Variants in PRR14L observed in about 807,000 individuals in gnomAD.
PRR14L encodes proline rich 14 like.
PRR14L carries 80 observed loss-of-function variants against 155.0 expected under a neutral mutation model. That is an observed-to-expected ratio of 0.52 (90% confidence interval 0.43 to 0.62). The LOEUF is 0.62. Among genes scored for constraint, PRR14L ranks in the 20% least tolerant of loss-of-function variants. The pLI, the probability that PRR14L is intolerant of heterozygous loss-of-function variation, is 0.00. For missense variants in PRR14L, 2,469 were observed against 2,548.0 expected, an observed-to-expected ratio of 0.97 and a Z score of 0.67; for synonymous variants, 883 against 916.0, an observed-to-expected ratio of 0.96 and a Z score of 0.65.
At chr22:31,747,267 T>C (rs1162972993) in intron 1 of PRR14L, among the ~76,000 whole-genome samples, 1 of 151,626 alleles carries the variant, frequency 6.6e-6, no homozygotes, top group African/African-American at 2.4e-5. Flanking sequence ...TGTGCCACCA[T>C]GCCCACCTAA....
chr22:31,748,657 GA>G (rs1263126152), intron 1 of PRR14L, among the ~76,000 whole-genome samples: 1 of 152,174 alleles, frequency 6.6e-6, no homozygotes. Context: ...GGGGGGGTGG[GA>G]AGGATGTGCA....
In PRR14L at chr22:31,684,202, G is replaced by C. The variant is rs1235556633; in HGVS notation, c.*1325C>G. 1 of 152,476 alleles carries C rather than the reference G, an allele frequency of 6.6e-6. No individual in the cohort carries two copies. The highest frequency in any genetic ancestry group is 1.5e-5 in the Non-Finnish European group (1 of 68,106). 9.4% of individuals were successfully genotyped at this position (152,476 alleles called of 1,614,324 possible). A position where few individuals can be genotyped will look rare whatever the true frequency, so the allele number is the denominator to read the frequency against. On this transcript the variant is annotated 3_prime_UTR_variant, in exon 9 of 9. Coordinates refer to ENST00000327423, the MANE Select transcript of PRR14L (RefSeq NM_173566.3). ...TCCCTCTGCCCACAGACTCCTGCAG[G>C]CACAAACCCAGAAACTCGGCTAACT...
At chr22:31,736,597 T>C (rs901148194) in intron 2 of PRR14L, among the ~76,000 whole-genome samples, 1 of 152,158 alleles carries the variant, frequency 6.6e-6, no homozygotes. Context: ...AACCTGATGG[T>C]GGGTCTAGAG....
rs1467602541 is a variant in PRR14L, at chr22:31,712,096, C to T, written c.5743G>A (p.Gly1915Ser). 8 of 1,611,062 alleles carry T rather than the reference C, an allele frequency of 5.0e-6. No individual in the cohort carries two copies. The highest frequency in any genetic ancestry group is 6.8e-6 in the Non-Finnish European group (8 of 1,178,736). ...SPHCKRQPSLGTTSSHTMLPY... is the reference protein window; with the variant it reads ...SPHCKRQPSLSTTSSHTMLPY... ...GACAGATTTTACCTGCTTGTGGTGC[C>T]CAGACTTGGTTGCCGCTTGCAGTGA... Residue 1915 changes from glycine (G) to serine (S), a missense_variant, in exon 4 of 9, where the codon GGC becomes AGC. By Grantham distance (56) the Gly-to-Ser change is moderately conservative. Around this residue, in one of 2 missense-constraint regions of PRR14L, gnomAD observed 2,363 missense variants for 2,371.6 expected, o/e 1.00. Transcript: ENST00000327423.
chr22:31,714,234 A>C lies in PRR14L; in HGVS notation c.3605T>G (p.Leu1202Arg). The part of the protein sequence containing the change: ...ETQEMTEGSR[L>R]EPNSEFGKES... ...TTTGCCAAACTCAGAGTTTGGTTCTAGTCTTGATCCTTCAGTCATTTCTTG... is the reference window on the plus strand; with the variant it reads ...TTTGCCAAACTCAGAGTTTGGTTCTCGTCTTGATCCTTCAGTCATTTCTTG... Residue 1202 changes from leucine (L) to arginine (R), a missense_variant, in exon 4 of 9, where the codon CTA becomes CGA. Coordinates refer to ENST00000327423, the MANE Select transcript of PRR14L (RefSeq NM_173566.3). The C allele has an allele frequency of 6.4e-7, 1 of 1,551,530 alleles. No homozygotes were observed.
chr22:31,699,776 T>C (rs759872335), intron 7 of PRR14L, among the ~76,000 whole-genome samples: 1 of 152,170 alleles, frequency 6.6e-6, no homozygotes, highest in Non-Finnish European at 1.5e-5. Context: ...AATGATTTGC[T>C]TGATGGGCTT....
chr22:31,731,382 G>C (rs914012508), intron 2 of PRR14L, among the ~76,000 whole-genome samples: 1 of 151,822 alleles, frequency 6.6e-6, no homozygotes, highest in Non-Finnish European at 1.5e-5. Flanking sequence ...GGCTAACACG[G>C]TGAAACCCCG....
intron 3 of PRR14L, among the ~76,000 whole-genome samples, chr22:31,718,552 C>G (rs2074673001): frequency 1.4e-5 from 2 of 147,610 alleles, no homozygotes; most frequent in African/African-American, 2.7e-5. Context: ...CCACGCCCGG[C>G]CTGCCCAGCT....
At chr22:31,696,878 G>C (rs1047071295) in intron 7 of PRR14L, among the ~76,000 whole-genome samples, 2 of 152,220 alleles carry the variant, frequency 1.3e-5, no homozygotes, top group African/African-American at 4.8e-5. Context: ...ACTTTGGGAG[G>C]CCAAGGCGGG....
intron 2 of PRR14L, among the ~76,000 whole-genome samples, chr22:31,732,416 C>A (rs1356107779): frequency 6.6e-6 from 1 of 152,180 alleles, no homozygotes; most frequent in African/African-American, 2.4e-5. Context: ...TGCTAAACAC[C>A]TGCTTTCCTT....
At chr22:31,703,796 C>A in intron 5 of PRR14L, 75 bp from the exon 6 acceptor site, 618 of 666,538 alleles carry the variant, frequency 9.3e-4, no homozygotes, top group Non-Finnish European at 1.2e-3. Context: ...TCTTCTTCTT[C>A]ATTTTTTTTT....
intron 3 of PRR14L, among the ~76,000 whole-genome samples, chr22:31,722,826 C>T (rs561979662): frequency 6.6e-5 from 10 of 152,238 alleles, no homozygotes; most frequent in Admixed American, 5.2e-4. Flanking sequence ...GCCACTGCGC[C>T]CAGCCGGCAT....
chr22:31,721,260 CAAGAAAT>C (rs2074688146), intron 3 of PRR14L, among the ~76,000 whole-genome samples: 1 of 152,168 alleles, frequency 6.6e-6, no homozygotes, highest in Non-Finnish European at 1.5e-5. Context: ...CTACAGCAAT[CAAGAAAT>C]AAGGAATGAT....
intron 7 of PRR14L, among the ~76,000 whole-genome samples, chr22:31,701,154 A>C (rs8138782): frequency 0.015 from 2,214 of 151,490 alleles, 56 homozygotes; most frequent in African/African-American, 0.052. Flanking sequence ...AAGCCCGGCT[A>C]ATTTTGTATT....
In PRR14L at chr22:31,714,068, G is replaced by C. The variant is rs1470588686; in HGVS notation, c.3771C>G (p.Asp1257Glu). Reference sequence around the variant, plus strand: ...CTTTTGGTTTACAAAGATTTTTCAGGTCAGTTTCTTCACTGTTAACATTAG... The same window carrying C: ...CTTTTGGTTTACAAAGATTTTTCAGCTCAGTTTCTTCACTGTTAACATTAG... The part of the protein sequence containing the change: ...SETNVNSEET[D>E]LKNLCKPKDG... The change falls in exon 4 of 9, where the codon GAC (aspartate) becomes GAG (glutamate). Residue 1257 changes from aspartate (D) to glutamate (E), a missense_variant. Physicochemically the swap from Asp to Glu is conservative, Grantham distance 45 (BLOSUM62 2). Coordinates refer to ENST00000327423, the MANE Select transcript of PRR14L (RefSeq NM_173566.3). The C allele has an allele frequency of 1.3e-6, 2 of 1,549,984 alleles. No individual in the cohort carries two copies. The highest frequency in any genetic ancestry group is 1.7e-6 in the Non-Finnish European group (2 of 1,146,610).
chr22:31,698,356 A>G (rs2074545627), intron 7 of PRR14L, among the ~76,000 whole-genome samples: 1 of 152,052 alleles, frequency 6.6e-6, no homozygotes, highest in Non-Finnish European at 1.5e-5. Context: ...CATTAACAAT[A>G]CCAAAAAGTA....
rs1185062437 is a variant in PRR14L at position 31,715,098 on chromosome 22, G to C, written c.2741C>G (p.Thr914Ser). 6.4e-7 allele frequency: 1 copy of C among 1,551,756 alleles called. No homozygotes were observed. The highest frequency in any genetic ancestry group is 8.7e-7 in the Non-Finnish European group (1 of 1,146,970). The change falls in exon 4 of 9, where the codon ACT (threonine) becomes AGT (serine). Residue 914 changes from threonine (T) to serine (S), a missense_variant. By Grantham distance (58) the Thr-to-Ser change is moderately conservative. Around this residue, in one of 2 missense-constraint regions of PRR14L, gnomAD observed 2,363 missense variants for 2,371.6 expected, o/e 1.00. Transcript: ENST00000327423. Reference protein sequence around the residue: ...EGKEQDVSKETVFCKYNISDH... With the variant: ...EGKEQDVSKESVFCKYNISDH... The stretch of plus-strand genomic sequence containing the variant: ...AGAGATGTTATACTTACAAAATACA[G>C]TTTCTTTGGATACATCCTGCTCCTT...
At chr22:31,741,431 C>G (rs1355487301) in intron 1 of PRR14L, among the ~76,000 whole-genome samples, 1 of 151,684 alleles carries the variant, frequency 6.6e-6, no homozygotes, top group African/African-American at 2.4e-5. Context: ...TACTGCACTC[C>G]AGCCTGGGCA....
At chr22:31,691,135 TA>T (rs1010125003) in intron 7 of PRR14L, among the ~76,000 whole-genome samples, 1 of 151,422 alleles carries the variant, frequency 6.6e-6, no homozygotes, top group Non-Finnish European at 1.5e-5. Context: ...GGCTAATTTT[TA>T]AAATATTTTT....
Sources: gnomAD v4.1 joint callset for allele counts (sites outside exome capture counted in the v4.1 genomes callset) on GRCh38, gnomAD v4.1.1 for gene constraint, gnomAD v4.1.1 regional missense constraint, MANE v1.5 for transcripts, NCBI Gene and HGNC (gene_info 2026-07-23, HGNC 2026-07-21) for gene names.